ATP8B1: variants seen among roughly 807,000 people sequenced by gnomAD.
The protein encoded by ATP8B1 is phospholipid-transporting ATPase IC.
In ATP8B1, 80 loss-of-function variants were observed where a neutral mutation model predicts 149.9. The ratio of observed to expected loss-of-function variants is 0.53; its 90% CI spans 0.45 to 0.64. The LOEUF (loss-of-function observed/expected upper bound fraction) is 0.64, where lower values mean the gene tolerates loss of function less well. Ranked by LOEUF, ATP8B1 falls within the 30% of genes least tolerant of loss-of-function variation. The pLI is 0.00. For missense variants in ATP8B1, 1,247 were observed against 1,552.6 expected, an observed-to-expected ratio of 0.80 and a Z score of 3.31; for synonymous variants, 536 against 562.8, an observed-to-expected ratio of 0.95 and a Z score of 0.67.
chr18:57,649,010 G>C (rs1450165572), intron 27 of ATP8B1, among the ~76,000 whole-genome samples: 1 of 152,042 alleles, frequency 6.6e-6, no homozygotes, highest in African/African-American at 2.4e-5. Flanking sequence ...CGATCCTCCT[G>C]CCTCAGCCTC....
chr18:57,662,761 A>G, intron 20 of ATP8B1, 146 bp from the exon 21 acceptor site: 1 of 962,390 alleles, frequency 1.0e-6, no homozygotes, highest in South Asian at 1.7e-5. Context: ...TATTTTCATT[A>G]TAATTTTTTT....
chr18:57,671,891 G>T (rs1911236224), intron 16 of ATP8B1, among the ~76,000 whole-genome samples: 2 of 151,956 alleles, frequency 1.3e-5, no homozygotes, highest in Non-Finnish European at 2.9e-5. Flanking sequence ...CAAAATGCTG[G>T]GATTACAGAT....
rs4940989 is a variant in ATP8B1, at chr18:57,700,917, G to A, written c.554+122C>T. 0.4 allele frequency: 451,287 copies of A among 1,124,610 alleles called. 92,657 individuals are homozygous for A. The highest frequency in any genetic ancestry group is 0.52 in the South Asian group (40,843 of 78,176). 69.7% of individuals were successfully genotyped at this position (1,124,610 alleles called of 1,614,324 possible). On this transcript the variant is annotated intron_variant, in intron 6 of 27. Coordinates refer to ENST00000648908, the MANE Select transcript of ATP8B1 (RefSeq NM_001374385.1). ...GGGCGACAGAGCGAGACTCTATCTC[G>A]AAAAAAATAAACAGTTAATGTACTA...
rs747593073 is a variant in ATP8B1, at chr18:57,662,476, T to C, written c.2418+7A>G. ...GTTAAAGGCACAGATACACTAATGA[T>C]ACGTACCAACCAAGAACCAGTGATG... On this transcript the variant is annotated splice_region_variant and intron_variant, in intron 21 of 27. Transcript: ENST00000648908. The C allele has an allele frequency of 1.8e-5, 29 of 1,613,958 alleles. No individual in the cohort carries two copies. The highest frequency in any genetic ancestry group is 1.1e-4 in the South Asian group (10 of 91,090).
Position 57,648,417 on chromosome 18 carries a change from C to T in ATP8B1, c.*71G>A, listed in dbSNP as rs1599060329. On this transcript the variant is annotated 3_prime_UTR_variant, in exon 28 of 28. Coordinates refer to ENST00000648908, the MANE Select transcript of ATP8B1 (RefSeq NM_001374385.1). ...GATGAATGCAATTCACACACACACA[C>T]AAAGTCCTGAGAGTCTTTCATAAAA... The T allele has an allele frequency of 6.6e-7, 1 of 1,524,850 alleles. No individual in the cohort carries two copies. The highest frequency in any genetic ancestry group is 9.1e-7 in the Non-Finnish European group (1 of 1,102,832). The allele number at this position is 1,524,850 out of a possible 1,614,324, so 94.5% of individuals were successfully genotyped here.
intron 3 of ATP8B1, among the ~76,000 whole-genome samples, chr18:57,704,969 A>AGATAC (rs1433987631): frequency 6.6e-6 from 1 of 152,170 alleles, no homozygotes; most frequent in African/African-American, 2.4e-5. Flanking sequence ...CTGTAATCCC[A>AGATAC]GATACTTGGG....
At chr18:57,724,141 A>G (rs1177686014) in intron 2 of ATP8B1, among the ~76,000 whole-genome samples, 1 of 150,494 alleles carries the variant, frequency 6.6e-6, no homozygotes, top group Non-Finnish European at 1.5e-5. Flanking sequence ...TAAAACCATA[A>G]AAACCCTAGA....
At chr18:57,712,621 A>T (rs1003372582) in intron 2 of ATP8B1, among the ~76,000 whole-genome samples, 1 of 152,010 alleles carries the variant, frequency 6.6e-6, no homozygotes, top group African/African-American at 2.4e-5. Context: ...GCTGAGCTGG[A>T]CTTGGAGCCA....
rs1263071671 is a variant in ATP8B1 at position 57,802,256 on chromosome 18, G to A, written c.-26+742C>T. Among the ~76,000 whole-genome samples the A allele has an allele frequency of 6.6e-6, 1 of 152,084 alleles. No homozygotes were observed. The highest frequency in any genetic ancestry group is 2.4e-5 in the African/African-American group (1 of 41,384). ...GCCCCCCAACAAGTTGCCCCTCCTC[G>A]TGCACACAGCGAGGTGACAGCGCAG... On this transcript the variant is annotated intron_variant, in intron 1 of 27. Coordinates refer to ENST00000648908, the MANE Select transcript of ATP8B1 (RefSeq NM_001374385.1). The surrounding 1 kb of genome is among the most constrained non-coding windows in gnomAD (Gnocchi z 4.9).
Position 57,662,384 on chromosome 18 carries a change from CTT to C in ATP8B1, c.2418+97_2418+98del. ...ACACTTTCATGTATAGGCTAAGAGA[CTT>C]TTAGGTTGGCAGTTAACATGTGAAA... On this transcript the variant is annotated intron_variant, in intron 21 of 27. Coordinates refer to ENST00000648908, the MANE Select transcript of ATP8B1 (RefSeq NM_001374385.1). 22 of 1,475,750 alleles carry C rather than the reference CTT, an allele frequency of 1.5e-5. No homozygotes were observed. In the South Asian group the frequency reaches 2.3e-4, roughly 16 times the overall value. 91.4% of individuals were successfully genotyped at this position (1,475,750 alleles called of 1,614,324 possible).
At chr18:57,684,291 A>G in intron 14 of ATP8B1, 99 bp from the exon 15 acceptor site, 1 of 1,277,430 alleles carries the variant, frequency 7.8e-7, no homozygotes, top group African/African-American at 1.5e-5. Context: ...TCAATTATGC[A>G]AAAACCACCT....
Position 57,648,655 on chromosome 18 carries a change from CCTGCT to C in ATP8B1, c.3584_3588del (p.Gln1195ArgfsTer39). 1 of 1,585,066 alleles carries C rather than the reference CCTGCT, an allele frequency of 6.3e-7. No individual in the cohort carries two copies. Among genetic ancestry groups the C allele is most frequent in the East Asian group, 2.3e-5 (1 of 43,120 alleles). ...CGCGTTGACACGCCCCGGCGGAACA[CCTGCT>C]GCCGTCGCTGCCACTGCTCCTCCGC... is the stretch of plus-strand genomic sequence containing the variant. On this transcript the variant is annotated frameshift_variant, in exon 28 of 28. Transcript: ENST00000648908. LOFTEE classifies it high-confidence loss of function.
chr18:57,660,863 A>G (rs1212836152), intron 22 of ATP8B1, among the ~76,000 whole-genome samples: 1 of 152,200 alleles, frequency 6.6e-6, no homozygotes, highest in Non-Finnish European at 1.5e-5. Flanking sequence ...GAGAACCAGT[A>G]AGAGAGAAAA....
intron 1 of ATP8B1, among the ~76,000 whole-genome samples, chr18:57,781,747 G>A (rs1346023958): frequency 1.3e-5 from 2 of 152,158 alleles, no homozygotes; most frequent in Admixed American, 6.5e-5. Flanking sequence ...GGCCGAGATG[G>A]GAGGATAGCT....
rs376358532 is a variant in ATP8B1, at chr18:57,655,221, G to A, written c.2904C>T (p.Tyr968=). 8.1e-6 allele frequency: 13 copies of A among 1,612,982 alleles called. No homozygotes were observed. The African/African-American group carries it at 1.7e-4, about 22-fold the overall frequency. The change falls in exon 23 of 28, where the codon TAC becomes TAT. Residue 968 remains tyrosine (Y), a synonymous_variant. Coordinates refer to ENST00000648908, the MANE Select transcript of ATP8B1 (RefSeq NM_001374385.1). ...GCGCAGAGTAGCCATTGAAGAAGGA[G>A]TACCAGAAATGAACCAAAGTAAAGG... ...NFAFTLVHFW[Y]SFFNGYSAQT...
Position 57,661,239 on chromosome 18 carries a change from T to C in ATP8B1, c.2642A>G (p.Lys881Arg). The change falls in exon 22 of 28, where the codon AAG becomes AGG. Residue 881 changes from lysine to arginine, a missense_variant. Physicochemically the swap from Lys to Arg is conservative, Grantham distance 26 (BLOSUM62 2). Around this residue, in one of 3 missense-constraint regions of ATP8B1, gnomAD observed 230 missense variants for 356.6 expected, o/e 0.65. Coordinates refer to ENST00000648908, the MANE Select transcript of ATP8B1 (RefSeq NM_001374385.1). ...KQKAMVVDLV[K>R]RYKKAITLAI... ...CAGCGTGATGGCTTTCTTGTACCTC[T>C]TCACCAGGTCCACCACCATGGCCTT... is the stretch of plus-strand genomic sequence containing the variant. 1 of 1,614,038 alleles carries C rather than the reference T, an allele frequency of 6.2e-7. No individual in the cohort carries two copies.
At chr18:57,733,587 TC>T (rs2079812556) in intron 1 of ATP8B1, among the ~76,000 whole-genome samples, 1 of 151,702 alleles carries the variant, frequency 6.6e-6, no homozygotes, top group South Asian at 2.1e-4. Context: ...GCACCTGTAG[TC>T]CCAGCTGCTC....
At position 57,646,837 on chromosome 18, in the gene ATP8B1, T is replaced by C. The variant is rs936361644; in HGVS notation, c.*1651A>G. 2.0e-5 allele frequency: 3 copies of C among 152,646 alleles called. No homozygotes were observed. Among genetic ancestry groups the C allele is most frequent in the Admixed American group, 6.5e-5 (1 of 15,276 alleles). The allele number at this position is 152,646 out of a possible 1,614,324, so 9.5% of individuals were successfully genotyped here. On this transcript the variant is annotated 3_prime_UTR_variant, in exon 28 of 28. Coordinates refer to ENST00000648908, the MANE Select transcript of ATP8B1 (RefSeq NM_001374385.1). ...CCTCATAGGAATTCAACAGGACTGA[T>C]ATTGTGAACATTCACAGCCCAATGG...
chr18:57,755,219 G>A (rs1052258605), intron 1 of ATP8B1, among the ~76,000 whole-genome samples: 2 of 152,084 alleles, frequency 1.3e-5, no homozygotes, highest in African/African-American at 4.8e-5. Context: ...ATATATTCAT[G>A]TTACACTCCC....
Sources: gnomAD v4.1 joint callset for allele counts (sites outside exome capture counted in the v4.1 genomes callset) on GRCh38, gnomAD v4.1.1 for gene constraint, gnomAD v4.1.1 regional missense constraint, Gnocchi (gnomAD v3.1) non-coding constraint, MANE v1.5 for transcripts, NCBI Gene and HGNC (gene_info 2026-07-23, HGNC 2026-07-21) for gene names.